Variants in TSHZ1 observed in about 807,000 individuals in gnomAD.
TSHZ1 encodes the protein teashirt zinc finger homeobox 1.
TSHZ1 carries 12 observed loss-of-function variants against 67.1 expected under a neutral mutation model. The observed-to-expected ratio is 0.18, with a 90% confidence interval of 0.11 to 0.29. The LOEUF (loss-of-function observed/expected upper bound fraction) is 0.29, where lower values mean the gene tolerates loss of function less well. TSHZ1 is among the 10% of genes least tolerant of loss of function. The pLI is 1.00. For synonymous variants in TSHZ1, 632 were observed against 622.4 expected (o/e 1.02, Z -0.23); for missense variants, 1,305 against 1,413.9 (o/e 0.92, Z 1.23).
intron 1 of TSHZ1, among the ~76,000 whole-genome samples, chr18:75,271,463 G>A (rs2023555741): frequency 6.6e-6 from 1 of 152,136 alleles, no homozygotes; most frequent in Non-Finnish European, 1.5e-5. Flanking sequence ...CTCACCTGCA[G>A]AATTCACTTC....
chr18:75,250,409 C>T (rs1409010568), intron 1 of TSHZ1, among the ~76,000 whole-genome samples: 2 of 152,218 alleles, frequency 1.3e-5, no homozygotes, highest in South Asian at 2.1e-4. Context: ...CTCTCCCTTC[C>T]GTCCCGCTCT....
At chr18:75,242,929 C>T (rs1359785376) in intron 1 of TSHZ1, among the ~76,000 whole-genome samples, 1 of 152,228 alleles carries the variant, frequency 6.6e-6, no homozygotes, top group Non-Finnish European at 1.5e-5. Context: ...AGAGGGGCCT[C>T]CTAGTGAACA....
At chr18:75,214,127 A>G (rs2022735406) in intron 1 of TSHZ1, among the ~76,000 whole-genome samples, 1 of 152,218 alleles carries the variant, frequency 6.6e-6, no homozygotes, top group South Asian at 2.1e-4. Flanking sequence ...TCATTAGATG[A>G]GCCATTGTTT....
rs559810336 is a variant in TSHZ1 at position 75,217,128 on chromosome 18, G to A, written c.40+5212G>A. ...GCTGCTGAAGGGAAGGCAGGGCCTA[G>A]ACCTTACTCCCTGTGTGTGGGGCAA... On this transcript the variant is annotated intron_variant, in intron 1 of 1. Transcript: ENST00000580243. Among the ~76,000 whole-genome samples the A allele has an allele frequency of 2.0e-5, 3 of 152,362 alleles. No homozygotes were observed. In the South Asian group the frequency reaches 6.2e-4, roughly 32 times the overall value.
intron 1 of TSHZ1, among the ~76,000 whole-genome samples, chr18:75,222,732 C>T (rs545348655): frequency 3.3e-5 from 5 of 152,166 alleles, no homozygotes; most frequent in African/African-American, 1.2e-4. Flanking sequence ...CCCTCCACCC[C>T]CCTATTTTTT....
chr18:75,282,101 C>T (rs1175775071), intron 1 of TSHZ1, among the ~76,000 whole-genome samples: 1 of 152,162 alleles, frequency 6.6e-6, no homozygotes, highest in South Asian at 2.1e-4. Context: ...AGGGCCTTCT[C>T]GTTCTGTGGA....
At chr18:75,271,738 T>G (rs2023560543) in intron 1 of TSHZ1, among the ~76,000 whole-genome samples, 1 of 147,824 alleles carries the variant, frequency 6.8e-6, no homozygotes, top group Admixed American at 6.7e-5. Flanking sequence ...CCTCCCCGCT[T>G]CCTGGTCCCC....
chr18:75,220,739 G>C (rs2022835399), intron 1 of TSHZ1, among the ~76,000 whole-genome samples: 1 of 152,028 alleles, frequency 6.6e-6, no homozygotes, highest in South Asian at 2.1e-4. Flanking sequence ...TTCTGGATTT[G>C]CTTTTGTTGT....
intron 1 of TSHZ1, chr18:75,283,167 C>T (rs2023707698): frequency 6.6e-6 from 1 of 152,526 alleles, no homozygotes; most frequent in Admixed American, 6.5e-5. Flanking sequence ...TCTGCCTCCC[C>T]TGGGCGTTGC....
At chr18:75,264,076 T>C (rs2122585737) in intron 1 of TSHZ1, among the ~76,000 whole-genome samples, 1 of 152,340 alleles carries the variant, frequency 6.6e-6, no homozygotes, top group South Asian at 2.1e-4. Context: ...TTGCTATAAA[T>C]GCAGCGTTAT....
Position 75,233,595 on chromosome 18 carries a change from T to C in TSHZ1, c.40+21679T>C, listed in dbSNP as rs1182534054. ...TTTTATTTTTTGGAGTAGGGGGACA[T>C]AGTATGAGTCAGCCTGGTGGATTAA... is the stretch of plus-strand genomic sequence containing the variant. On this transcript the variant is annotated intron_variant, in intron 1 of 1. Coordinates refer to ENST00000580243, the MANE Select transcript of TSHZ1 (RefSeq NM_001308210.2). Among the ~76,000 whole-genome samples, 3 of 152,206 alleles carry C rather than the reference T, an allele frequency of 2.0e-5. No homozygotes were observed. The East Asian group carries it at 5.8e-4, about 29-fold the overall frequency.
chr18:75,243,895 C>T (rs768346743), intron 1 of TSHZ1, among the ~76,000 whole-genome samples: 1 of 152,080 alleles, frequency 6.6e-6, no homozygotes, highest in Non-Finnish European at 1.5e-5. Context: ...ACAACATGTA[C>T]GTCCTGAAGG....
chr18:75,215,334 G>A (rs2022752327), intron 1 of TSHZ1, among the ~76,000 whole-genome samples: 4 of 152,228 alleles, frequency 2.6e-5, no homozygotes, highest in Admixed American at 2.6e-4. Flanking sequence ...GTGGACTAGG[G>A]CAGGGCAAGT....
At chr18:75,247,770 C>A (rs934837689) in intron 1 of TSHZ1, among the ~76,000 whole-genome samples, 1 of 152,066 alleles carries the variant, frequency 6.6e-6, no homozygotes, top group Non-Finnish European at 1.5e-5. Context: ...CAGAGAAGCA[C>A]AGCTTTGTCC....
At chr18:75,243,049 G>A (rs969562877) in intron 1 of TSHZ1, among the ~76,000 whole-genome samples, 4 of 152,148 alleles carry the variant, frequency 2.6e-5, no homozygotes, top group African/African-American at 9.7e-5. Flanking sequence ...GAGGTCTGGA[G>A]GCAGATCAGA....
intron 1 of TSHZ1, among the ~76,000 whole-genome samples, chr18:75,235,781 A>G (rs2023059740): frequency 6.6e-6 from 1 of 152,178 alleles, no homozygotes; most frequent in African/African-American, 2.4e-5. Flanking sequence ...CCATTTTCCA[A>G]TTCATCTCAG....
rs752442223 is a variant in TSHZ1, at chr18:75,288,746, G to T, written c.*105G>T. ...TCAGTCTTTCCTTTGTTGCTGGCCC[G>T]CCTCTCTGGACCTTGGTTTTCTTAC... On this transcript the variant is annotated 3_prime_UTR_variant, in exon 2 of 2. Coordinates refer to ENST00000580243, the MANE Select transcript of TSHZ1 (RefSeq NM_001308210.2). This position sits in a 1 kb window ranked among gnomAD's most constrained non-coding sequence, Gnocchi z 4.9. 6.7e-7 allele frequency: 1 copy of T among 1,490,766 alleles called. No individual in the cohort carries two copies. Among genetic ancestry groups the T allele is most frequent in the Non-Finnish European group, 8.9e-7 (1 of 1,122,120 alleles). The allele number at this position is 1,490,766 out of a possible 1,614,324, so 92.3% of individuals were successfully genotyped here. A position where few individuals can be genotyped will look rare whatever the true frequency, so the allele number is the denominator to read the frequency against.
At chr18:75,252,011 A>G (rs1005967842) in intron 1 of TSHZ1, among the ~76,000 whole-genome samples, 1 of 152,222 alleles carries the variant, frequency 6.6e-6, no homozygotes, top group African/African-American at 2.4e-5. Context: ...GAAATTACCA[A>G]AATTGATATT....
chr18:75,224,761 G>A (rs565855432), intron 1 of TSHZ1, among the ~76,000 whole-genome samples: 1 of 152,246 alleles, frequency 6.6e-6, no homozygotes, highest in Admixed American at 6.5e-5. Context: ...GGTGGGGAGG[G>A]GTGCGGCGGG....
Sources: gnomAD v4.1 joint callset for allele counts (sites outside exome capture counted in the v4.1 genomes callset) on GRCh38, gnomAD v4.1.1 for gene constraint, Gnocchi (gnomAD v3.1) non-coding constraint, MANE v1.5 for transcripts, NCBI Gene and HGNC (gene_info 2026-07-23, HGNC 2026-07-21) for gene names.